KCNIP1: variants seen among roughly 807,000 people sequenced by gnomAD.
The protein encoded by KCNIP1 is A-type potassium channel modulatory protein KCNIP1.
In KCNIP1, 18 loss-of-function variants were observed where a neutral mutation model predicts 33.0. The ratio of observed to expected loss-of-function variants is 0.55; its 90% CI spans 0.38 to 0.81. KCNIP1 has a LOEUF of 0.81. Ranked by LOEUF, KCNIP1 falls within the 30% of genes least tolerant of loss-of-function variation. The pLI is 0.00. For synonymous variants in KCNIP1, 93 were observed against 98.3 expected, an observed-to-expected ratio of 0.95 and a Z score of 0.32; for missense variants, 238 against 271.6, an observed-to-expected ratio of 0.88 and a Z score of 0.87.
At chr5:170,383,453 G>A (rs1298717253) in intron 1 of KCNIP1, 2 of 617,348 alleles carry the variant, frequency 3.2e-6, no homozygotes, top group Admixed American at 2.6e-5. Flanking sequence ...GGAGGTGAGA[G>A]GCTAAGTGGC....
At chr5:170,582,073 C>T (rs1757814047) in intron 1 of KCNIP1, among the ~76,000 whole-genome samples, 1 of 152,150 alleles carries the variant, frequency 6.6e-6, no homozygotes, top group Non-Finnish European at 1.5e-5. Context: ...AGAATCCACC[C>T]CTGTGACCCA....
chr5:170,589,798 C>G (rs796668890), intron 1 of KCNIP1, among the ~76,000 whole-genome samples: 2 of 123,426 alleles, frequency 1.6e-5, no homozygotes, highest in Non-Finnish European at 3.8e-5. Context: ...ATGTGGTGTG[C>G]GGTGCGGTGC....
At chr5:170,435,458 C>A (rs1755840785) in intron 1 of KCNIP1, among the ~76,000 whole-genome samples, 1 of 152,232 alleles carries the variant, frequency 6.6e-6, no homozygotes, top group South Asian at 2.1e-4. Context: ...CCAACACCCC[C>A]GAGTTTCCGC....
chr5:170,390,518 ATATATATATATATAT>A (rs1754538780), intron 1 of KCNIP1, among the ~76,000 whole-genome samples: 4 of 84,114 alleles, frequency 4.8e-5, no homozygotes, highest in Non-Finnish European at 9.4e-5. Context: ...AAAAAAACAA[ATATATATATATATAT>A]ATATATTTTC....
chr5:170,637,454 C>A (rs1479195081), intron 1 of KCNIP1, among the ~76,000 whole-genome samples: 3 of 152,188 alleles, frequency 2.0e-5, no homozygotes, highest in Non-Finnish European at 4.4e-5. Context: ...TGCCTTCTGT[C>A]TCAACTCAGA....
chr5:170,621,467 G>A (rs1349028180), intron 1 of KCNIP1, among the ~76,000 whole-genome samples: 1 of 152,136 alleles, frequency 6.6e-6, no homozygotes, highest in Non-Finnish European at 1.5e-5. Flanking sequence ...AGCCATGAGG[G>A]TCAGCACTTG....
Position 170,733,843 on chromosome 5 carries a change from A to G in KCNIP1, c.548A>G (p.Asp183Gly). ...QHVDVFFQKM[D>G]KNKDGIVTLD... ...TTCTGTTATGTCTTTCAGAAAATGG[A>G]CAAAAATAAAGATGGCATCGTAACT... Residue 183 changes from aspartate (D) to glycine (G), a missense_variant, in exon 7 of 8, where the codon GAC becomes GGC. Asp to Gly is a moderately conservative substitution (Grantham distance 94, BLOSUM62 -1). Coordinates refer to ENST00000328939, the MANE Select transcript of KCNIP1 (RefSeq NM_014592.4). The G allele has an allele frequency of 6.2e-7, 1 of 1,613,538 alleles. No individual in the cohort carries two copies. Among genetic ancestry groups the G allele is most frequent in the Non-Finnish European group, 8.5e-7 (1 of 1,179,478 alleles).
At chr5:170,530,944 T>C (rs1471067545) in intron 1 of KCNIP1, among the ~76,000 whole-genome samples, 2 of 152,184 alleles carry the variant, frequency 1.3e-5, no homozygotes, top group East Asian at 3.9e-4. Context: ...GGCTCAAACA[T>C]TGTTCTAGCT....
intron 1 of KCNIP1, among the ~76,000 whole-genome samples, chr5:170,613,834 G>C (rs1759271758): frequency 6.6e-6 from 1 of 152,188 alleles, no homozygotes; most frequent in Non-Finnish European, 1.5e-5. Context: ...CCCAAACATG[G>C]GTATTGTTGT....
At chr5:170,592,083 A>G (rs1231147588) in intron 1 of KCNIP1, among the ~76,000 whole-genome samples, 1 of 152,066 alleles carries the variant, frequency 6.6e-6, no homozygotes, top group Non-Finnish European at 1.5e-5. Context: ...AAGAGTTCCA[A>G]TTTCTCCATA....
chr5:170,638,039 TG>T (rs1323421744), intron 1 of KCNIP1, among the ~76,000 whole-genome samples: 1 of 106,248 alleles, frequency 9.4e-6, no homozygotes, highest in East Asian at 3.3e-4. Context: ...GTCTGGGGGG[TG>T]GGGGGTGGGG....
chr5:170,497,371 G>A (rs530373776), intron 1 of KCNIP1, among the ~76,000 whole-genome samples: 168 of 152,268 alleles, frequency 1.1e-3, no homozygotes, highest in Non-Finnish European at 1.9e-3. Context: ...CTGAGGATCA[G>A]TGAAGTTAAA....
intron 1 of KCNIP1, among the ~76,000 whole-genome samples, chr5:170,357,231 G>A (rs1763372915): frequency 6.6e-6 from 1 of 151,986 alleles, no homozygotes; most frequent in Non-Finnish European, 1.5e-5. Flanking sequence ...CGGAAGCCTC[G>A]GACTGGGTCC....
intron 1 of KCNIP1, among the ~76,000 whole-genome samples, chr5:170,488,688 C>T (rs1195255336): frequency 1.3e-5 from 2 of 152,084 alleles, no homozygotes; most frequent in Non-Finnish European, 2.9e-5. Context: ...GTAAAGTAAA[C>T]CAAGGAAGGC....
chr5:170,407,186 G>A (rs1755058357), intron 1 of KCNIP1, among the ~76,000 whole-genome samples: 1 of 152,240 alleles, frequency 6.6e-6, no homozygotes, highest in African/African-American at 2.4e-5. Context: ...CGAGTTAAGA[G>A]TGACAGCATG....
chr5:170,559,236 A>T (rs533487860), intron 1 of KCNIP1, among the ~76,000 whole-genome samples: 1 of 152,284 alleles, frequency 6.6e-6, no homozygotes, highest in African/African-American at 2.4e-5. Context: ...TTTTTTCAAA[A>T]ATTCTACTTT....
intron 1 of KCNIP1, among the ~76,000 whole-genome samples, chr5:170,608,726 G>A (rs1353435732): frequency 6.6e-6 from 1 of 150,958 alleles, no homozygotes; most frequent in Non-Finnish European, 1.5e-5. Context: ...GAGCTGAGAT[G>A]CACTCCAGCC....
At chr5:170,444,764 A>T (rs1162260358) in intron 1 of KCNIP1, among the ~76,000 whole-genome samples, 1 of 151,116 alleles carries the variant, frequency 6.6e-6, no homozygotes, top group Non-Finnish European at 1.5e-5. Flanking sequence ...TAAGTACCTG[A>T]GAAGATCTGC....
chr5:170,363,412 A>G (rs7706948), intron 1 of KCNIP1, among the ~76,000 whole-genome samples: 4,882 of 152,296 alleles, frequency 0.032, 144 homozygotes, highest in African/African-American at 0.075. Flanking sequence ...TCCTAATCCA[A>G]CATGACTGGT....
Sources: allele counts gnomAD v4.1 joint callset (sites outside exome capture counted in the v4.1 genomes callset), GRCh38; gene constraint gnomAD v4.1.1; transcripts MANE v1.5; gene names NCBI Gene and HGNC (gene_info 2026-07-23, HGNC 2026-07-21).